TAF3: variants seen among roughly 807,000 people sequenced by gnomAD.
The protein encoded by TAF3 is transcription initiation factor TFIID subunit 3.
Under a neutral mutation model 80.6 loss-of-function variants are expected in TAF3, and 7 were observed. The ratio of observed to expected loss-of-function variants is 0.09; its 90% CI spans 0.05 to 0.16. The LOEUF (loss-of-function observed/expected upper bound fraction) is 0.16. TAF3 is among the 10% of genes least tolerant of loss of function. The pLI is 1.00. For synonymous variants in TAF3, 444 were observed against 446.1 expected (o/e 1.00, Z 0.06); for missense variants, 921 against 1,140.2 (o/e 0.81, Z 2.77).
chr10:7,968,864 T>G (rs902030733), intron 3 of TAF3, among the ~76,000 whole-genome samples: 7 of 152,194 alleles, frequency 4.6e-5, no homozygotes, highest in Admixed American at 2.6e-4. Context: ...CATAAGAAGT[T>G]CAAATTGTTT....
At chr10:7,928,449 A>T (rs976378844) in intron 2 of TAF3, among the ~76,000 whole-genome samples, 3 of 152,198 alleles carry the variant, frequency 2.0e-5, no homozygotes, top group African/African-American at 7.2e-5. Flanking sequence ...TGCCATTTTA[A>T]TGCATTTATG....
At position 7,934,131 on chromosome 10, in the gene TAF3, C is replaced by T. The variant is rs116979108; in HGVS notation, c.410-29789C>T. ...GACAACTCAAGGTTGAAAAATCATT[C>T]GGAAGAATTAGAAACTGAAAGGAAA... On this transcript the variant is annotated intron_variant, in intron 2 of 6. Transcript: ENST00000344293. Among the ~76,000 whole-genome samples, 24 of 152,242 alleles carry T rather than the reference C, an allele frequency of 1.6e-4. No homozygotes were observed. In the East Asian group the frequency reaches 2.7e-3, roughly 17 times the overall value.
At chr10:7,989,993 C>T (rs1345587770) in intron 4 of TAF3, among the ~76,000 whole-genome samples, 1 of 151,770 alleles carries the variant, frequency 6.6e-6, no homozygotes, top group Non-Finnish European at 1.5e-5. Flanking sequence ...TTTAAAATTC[C>T]CTTTAAAATT....
chr10:7,907,452 A>T (rs1837617242), intron 2 of TAF3, among the ~76,000 whole-genome samples: 2 of 152,236 alleles, frequency 1.3e-5, no homozygotes, highest in African/African-American at 4.8e-5. Context: ...CCAAGGATCC[A>T]GTGAGTTCAT....
chr10:7,897,384 A>G (rs1004307119), intron 2 of TAF3, among the ~76,000 whole-genome samples: 9 of 152,242 alleles, frequency 5.9e-5, no homozygotes, highest in Non-Finnish European at 1.2e-4. Flanking sequence ...AGCATTGAGT[A>G]GTATACTTGA....
chr10:7,928,097 A>G (rs529373720), intron 2 of TAF3, among the ~76,000 whole-genome samples: 8 of 152,152 alleles, frequency 5.3e-5, no homozygotes, highest in Non-Finnish European at 1.2e-4. Flanking sequence ...GAGCTCTTCC[A>G]TTTGTGCCTA....
chr10:7,845,967 T>TG (rs1332704428), intron 2 of TAF3, among the ~76,000 whole-genome samples: 1 of 150,512 alleles, frequency 6.6e-6, no homozygotes. Flanking sequence ...TTGTTTTTTT[T>TG]TTTTTTTTTT....
At chr10:7,936,839 C>A (rs1264105706) in intron 2 of TAF3, among the ~76,000 whole-genome samples, 2 of 151,956 alleles carry the variant, frequency 1.3e-5, no homozygotes, top group African/African-American at 4.8e-5. Flanking sequence ...TTCTCTTCAT[C>A]CCTCCCTCCC....
At chr10:7,939,853 A>C (rs142614521) in intron 2 of TAF3, among the ~76,000 whole-genome samples, 137 of 152,332 alleles carry the variant, frequency 9.0e-4, no homozygotes, top group Middle Eastern at 3.4e-3. Context: ...CCTATAGCCA[A>C]CTAAAAGGAG....
rs906626388 is a variant in TAF3, at chr10:7,829,370, T to C, written c.409+4810T>C. 5.3e-5 allele frequency among the ~76,000 whole-genome samples: 8 copies of C among 152,352 alleles called. No homozygotes were observed. In the East Asian group the frequency reaches 1.5e-3, roughly 29 times the overall value. Reference sequence around the variant, plus strand: ...TGTATTGACATTCCTTAGTTTTTACTGGATGTCCTTTTTCTGTTTCTGGAT... The same window carrying C: ...TGTATTGACATTCCTTAGTTTTTACCGGATGTCCTTTTTCTGTTTCTGGAT... On this transcript the variant is annotated intron_variant, in intron 2 of 6. Coordinates refer to ENST00000344293, the MANE Select transcript of TAF3 (RefSeq NM_031923.4).
At chr10:7,923,336 T>C (rs1011259965) in intron 2 of TAF3, among the ~76,000 whole-genome samples, 2 of 152,070 alleles carry the variant, frequency 1.3e-5, no homozygotes, top group African/African-American at 2.4e-5. Context: ...AATATAAATG[T>C]GTTTTATATG....
In TAF3 at chr10:7,965,698, C is replaced by G. The variant is rs1038827422; in HGVS notation, c.2188C>G (p.Arg730Gly). 1.3e-6 allele frequency: 2 copies of G among 1,540,580 alleles called. No individual in the cohort carries two copies. Among genetic ancestry groups the G allele is most frequent in the Admixed American group, 2.2e-5 (1 of 44,842 alleles). The change falls in exon 3 of 7, where the codon CGA becomes GGA. Residue 730 changes from arginine (R) to glycine (G), a missense_variant. Around this residue, in one of 6 missense-constraint regions of TAF3, gnomAD observed 743 missense variants for 821.0 expected, o/e 0.90. Transcript: ENST00000344293. ...GGAAAGAGAGAAAGAGAAGAGAGAG[C>G]GAGAGAAGAGAGAAAAAGAGAAGGA... The part of the protein sequence containing the change: ...EKEREKEKRE[R>G]EKREKEKEKH...
In TAF3 at chr10:7,910,087, G is replaced by T. The variant is rs193125711; in HGVS notation, c.410-53833G>T. Among the ~76,000 whole-genome samples the T allele has an allele frequency of 1.8e-3, 276 of 152,120 alleles. 1 individual carries two copies. The highest frequency in any genetic ancestry group is 3.2e-3 in the Non-Finnish European group (219 of 67,976). Reference sequence around the variant, plus strand: ...CATTGTTGTATTGTTACTTTTATTGGTTTTTTCCCCTCAAATATTTTGTAT... The same window carrying T: ...CATTGTTGTATTGTTACTTTTATTGTTTTTTTCCCCTCAAATATTTTGTAT... On this transcript the variant is annotated intron_variant, in intron 2 of 6. Transcript: ENST00000344293.
chr10:7,832,036 G>A (rs1408882907), intron 2 of TAF3, among the ~76,000 whole-genome samples: 3 of 151,934 alleles, frequency 2.0e-5, no homozygotes, highest in Non-Finnish European at 2.9e-5. Flanking sequence ...ATCGTTTTTT[G>A]TGGAGAGAAC....
intron 2 of TAF3, among the ~76,000 whole-genome samples, chr10:7,894,589 T>G (rs928367022): frequency 6.6e-6 from 1 of 152,256 alleles, no homozygotes; most frequent in African/African-American, 2.4e-5. Flanking sequence ...GAATTCATTT[T>G]CTGGGAACCT....
Position 7,965,758 on chromosome 10 carries a change from T to C in TAF3, c.2232+16T>C. On this transcript the variant is annotated intron_variant, in intron 3 of 6. Transcript: ENST00000344293. ...GCATGAAAAAGTAAGCAGTTTCTCA[T>C]TTTTGGCCCTATCTGAACAGAGTCC... The C allele has an allele frequency of 6.6e-7, 1 of 1,517,656 alleles. No homozygotes were observed. Among genetic ancestry groups the C allele is most frequent in the Non-Finnish European group, 8.8e-7 (1 of 1,141,864 alleles). The allele number at this position is 1,517,656 out of a possible 1,614,324, so 94.0% of individuals were successfully genotyped here.
chr10:8,002,936 C>A (rs1269649337), intron 4 of TAF3, among the ~76,000 whole-genome samples: 1 of 152,094 alleles, frequency 6.6e-6, no homozygotes, highest in Admixed American at 6.5e-5. Context: ...CAGGAAGTAG[C>A]CTTTATTATC....
At chr10:7,922,328 G>A (rs1837770734) in intron 2 of TAF3, among the ~76,000 whole-genome samples, 1 of 152,050 alleles carries the variant, frequency 6.6e-6, no homozygotes, top group South Asian at 2.1e-4. Context: ...CATAGAATCA[G>A]AGGACCAGTT....
At chr10:7,898,212 G>A (rs1050327403) in intron 2 of TAF3, among the ~76,000 whole-genome samples, 3 of 152,036 alleles carry the variant, frequency 2.0e-5, no homozygotes, top group African/African-American at 7.2e-5. Context: ...AGGAATTTAT[G>A]TTCCCAAAAT....
Sources: allele counts gnomAD v4.1 joint callset (sites outside exome capture counted in the v4.1 genomes callset), GRCh38; gene constraint gnomAD v4.1.1; regional missense constraint gnomAD v4.1.1; transcripts MANE v1.5; gene names NCBI Gene and HGNC (gene_info 2026-07-23, HGNC 2026-07-21).